Variants in TENM2 observed in about 807,000 individuals in gnomAD.
The protein encoded by TENM2 is teneurin-2.
A neutral mutation model predicts 245.2 loss-of-function variants in TENM2; 52 were observed. That is an observed-to-expected ratio of 0.21 (90% confidence interval 0.17 to 0.27). The LOEUF is 0.27. Ranked by LOEUF, TENM2 falls within the 10% of genes least tolerant of loss-of-function variation. The pLI is 1.00. For synonymous variants in TENM2, 1,363 were observed against 1,438.9 expected, an observed-to-expected ratio of 0.95 and a Z score of 1.19; for missense variants, 3,046 against 3,666.8, an observed-to-expected ratio of 0.83 and a Z score of 4.37.
intron 7 of TENM2, among the ~76,000 whole-genome samples, chr5:168,073,655 TA>T (rs1791217606): frequency 6.6e-6 from 1 of 152,214 alleles, no homozygotes; most frequent in Non-Finnish European, 1.5e-5. Flanking sequence ...ACATGTTACA[TA>T]AAAGCCCTCA....
intron 6 of TENM2, among the ~76,000 whole-genome samples, chr5:168,055,159 A>G (rs1789428030): frequency 6.6e-6 from 1 of 152,142 alleles, no homozygotes; most frequent in African/African-American, 2.4e-5. Context: ...ATTCAATCTC[A>G]AAGTGAATTC....
intron 1 of TENM2, among the ~76,000 whole-genome samples, chr5:167,342,464 T>C (rs1413170223): frequency 6.6e-6 from 1 of 151,528 alleles, no homozygotes; most frequent in Admixed American, 6.6e-5. Flanking sequence ...CCTGGTCATC[T>C]GACTGCGGTC....
rs192922240 is a variant in TENM2, at chr5:167,909,374, G to T, written c.712+33179G>T. 7.2e-5 allele frequency among the ~76,000 whole-genome samples: 11 copies of T among 152,242 alleles called. No individual in the cohort carries two copies. The East Asian group carries it at 1.7e-3, about 24-fold the overall frequency. The stretch of plus-strand genomic sequence containing the variant: ...GTTTAATCTCCCTTCTATAGGGAAT[G>T]ATGGATTATTAAAAGTATTGCTGCA... On this transcript the variant is annotated intron_variant, in intron 3 of 28. Coordinates refer to ENST00000518659, the Ensembl canonical transcript of TENM2.
chr5:167,380,842 C>T (rs889470915), intron 2 of TENM2, among the ~76,000 whole-genome samples: 5 of 152,040 alleles, frequency 3.3e-5, no homozygotes, highest in South Asian at 2.1e-4. Context: ...TGTCTGTTCA[C>T]GATTGGAAGC....
intron 2 of TENM2, among the ~76,000 whole-genome samples, chr5:167,782,042 A>G (rs2911501): frequency 0.99 from 149,726 of 151,892 alleles, 73,823 homozygotes; most frequent in Middle Eastern, 1. Flanking sequence ...GGCTGGGCAC[A>G]GTGGCTCACA....
At chr5:168,190,032 A>G (rs1341726624) in intron 13 of TENM2, among the ~76,000 whole-genome samples, 1 of 152,260 alleles carries the variant, frequency 6.6e-6, no homozygotes, top group Non-Finnish European at 1.5e-5. Context: ...TCCCACTCAA[A>G]TAATACGTGT....
At chr5:168,032,691 CT>C (rs1224384948) in intron 5 of TENM2, among the ~76,000 whole-genome samples, 1 of 152,080 alleles carries the variant, frequency 6.6e-6, no homozygotes, top group African/African-American at 2.4e-5. Flanking sequence ...TTGTGTCTTG[CT>C]TTTTTTACAG....
intron 23 of TENM2, among the ~76,000 whole-genome samples, chr5:168,224,614 C>T (rs988631502): frequency 2.0e-5 from 3 of 152,146 alleles, no homozygotes; most frequent in Non-Finnish European, 2.9e-5. Context: ...CAGGCCCTCC[C>T]CACAGGGATC....
chr5:167,131,170 T>C, the TENM2 span, among the ~76,000 whole-genome samples: 3 of 152,108 alleles, frequency 2.0e-5, no homozygotes, highest in Non-Finnish European at 2.9e-5. Context: ...CTCTGATGGG[T>C]TGGAGACCTG....
the TENM2 span, among the ~76,000 whole-genome samples, chr5:167,021,923 A>C: frequency 1.3e-5 from 2 of 152,162 alleles, no homozygotes; most frequent in Admixed American, 6.5e-5. Flanking sequence ...AAAAAGATTA[A>C]GCAATTTGAT....
At chr5:167,454,166 G>A (rs1765767908) in intron 2 of TENM2, among the ~76,000 whole-genome samples, 1 of 152,044 alleles carries the variant, frequency 6.6e-6, no homozygotes, top group African/African-American at 2.4e-5. Context: ...CAATGCCCTT[G>A]AATCATTCCT....
In TENM2 at chr5:167,637,803, G is replaced by A. The variant is rs1779298903; in HGVS notation, c.503-238183G>A. 2.6e-5 allele frequency among the ~76,000 whole-genome samples: 4 copies of A among 152,006 alleles called. No individual in the cohort carries two copies. In the South Asian group the frequency reaches 6.2e-4, roughly 24 times the overall value. ...ACAGGGAGGGGAACATCACACACCGGGGCCTATTGTGGGTTGGGGGAAAGG... is the reference window on the plus strand; with the variant it reads ...ACAGGGAGGGGAACATCACACACCGAGGCCTATTGTGGGTTGGGGGAAAGG... On this transcript the variant is annotated intron_variant, in intron 2 of 28. Coordinates refer to ENST00000518659, the Ensembl canonical transcript of TENM2.
At chr5:168,209,309 TA>T (rs1026476784) in intron 19 of TENM2, among the ~76,000 whole-genome samples, 24 of 152,242 alleles carry the variant, frequency 1.6e-4, no homozygotes, top group African/African-American at 4.8e-4. Context: ...TGATGCTCAT[TA>T]ACCAGTTTGT....
intron 2 of TENM2, among the ~76,000 whole-genome samples, chr5:167,640,876 T>TATATATATATCC (rs1779540544): frequency 7.1e-5 from 4 of 56,330 alleles, no homozygotes; most frequent in South Asian, 5.6e-4. Context: ...TATATATATA[T>TATATATATATCC]ATATATATAT....
intron 4 of TENM2, among the ~76,000 whole-genome samples, chr5:167,960,072 G>T (rs186342737): frequency 6.6e-6 from 1 of 152,198 alleles, no homozygotes; most frequent in Non-Finnish European, 1.5e-5. Context: ...TGGAAGCTTC[G>T]CCCAGAGGGC....
At chr5:167,302,782 G>T (rs552654695) in intron 1 of TENM2, among the ~76,000 whole-genome samples, 1 of 152,196 alleles carries the variant, frequency 6.6e-6, no homozygotes, top group Non-Finnish European at 1.5e-5. Context: ...AGGGGTTGTG[G>T]TTCTTGCCCC....
chr5:168,188,376 C>T (rs542128340), intron 13 of TENM2, among the ~76,000 whole-genome samples: 1 of 152,272 alleles, frequency 6.6e-6, no homozygotes, highest in South Asian at 2.1e-4. Context: ...AGTTATTCTC[C>T]AAGCTTCTCC....
intron 2 of TENM2, among the ~76,000 whole-genome samples, chr5:167,724,198 C>T (rs552948144): frequency 6.6e-6 from 1 of 152,238 alleles, no homozygotes; most frequent in East Asian, 1.9e-4. Context: ...CTATGTAGTA[C>T]ACCCGTTAGG....
intron 2 of TENM2, among the ~76,000 whole-genome samples, chr5:167,626,169 A>G (rs997662355): frequency 6.6e-6 from 1 of 152,060 alleles, no homozygotes; most frequent in Non-Finnish European, 1.5e-5. Flanking sequence ...ACTACACCAT[A>G]TTTCTGTAAT....
Sources: allele counts gnomAD v4.1 joint callset (sites outside exome capture counted in the v4.1 genomes callset), GRCh38; gene constraint gnomAD v4.1.1; transcripts MANE v1.5; gene names NCBI Gene and HGNC (gene_info 2026-07-23, HGNC 2026-07-21).